ADK: variants seen among roughly 807,000 people sequenced by gnomAD.
ADK encodes N6,N6-dimethyladenosine kinase.
Under a neutral mutation model 44.7 loss-of-function variants are expected in ADK, and 24 were observed. The ratio of observed to expected loss-of-function variants is 0.54; its 90% CI spans 0.39 to 0.76. The LOEUF is 0.76. Among genes scored for constraint, ADK ranks in the 30% least tolerant of loss-of-function variants. ADK has a pLI of 0.00. For missense variants in ADK, 321 were observed against 425.1 expected (o/e 0.76, Z 2.15); for synonymous variants, 128 against 142.6 (o/e 0.90, Z 0.73).
intron 4 of ADK, among the ~76,000 whole-genome samples, chr10:74,325,845 T>G (rs1363055729): frequency 2.0e-5 from 3 of 152,128 alleles, no homozygotes; most frequent in Non-Finnish European, 4.4e-5. Context: ...ATTATCTTGT[T>G]AATGTGCTGG....
chr10:74,156,006 G>A (rs1461180168), intron 1 of ADK, among the ~76,000 whole-genome samples: 1 of 152,112 alleles, frequency 6.6e-6, no homozygotes, highest in African/African-American at 2.4e-5. Context: ...TGAAGGAATG[G>A]AAAACAAAAG....
At chr10:74,214,588 A>G (rs1400801509) in intron 2 of ADK, among the ~76,000 whole-genome samples, 2 of 152,218 alleles carry the variant, frequency 1.3e-5, no homozygotes, top group African/African-American at 4.8e-5. Context: ...TGACTGTCCT[A>G]TTTCAGAACT....
At chr10:74,609,093 AAGCTTGAG>A (rs1852446318) in intron 9 of ADK, among the ~76,000 whole-genome samples, 1 of 152,050 alleles carries the variant, frequency 6.6e-6, no homozygotes, top group African/African-American at 2.4e-5. Flanking sequence ...TTCCCCCACC[AAGCTTGAG>A]CATCCCAGGT....
chr10:74,505,674 G>GT (rs774956597), intron 6 of ADK, among the ~76,000 whole-genome samples: 3 of 151,870 alleles, frequency 2.0e-5, no homozygotes, highest in Admixed American at 1.3e-4. Context: ...GGCTACTTTT[G>GT]TAACAATGGC....
At chr10:74,311,198 G>A (rs1372586589) in intron 3 of ADK, among the ~76,000 whole-genome samples, 1 of 152,078 alleles carries the variant, frequency 6.6e-6, no homozygotes, top group Non-Finnish European at 1.5e-5. Context: ...AGATTACATT[G>A]TGCATCAGTT....
intron 4 of ADK, among the ~76,000 whole-genome samples, chr10:74,348,696 A>G (rs1386836025): frequency 2.0e-5 from 3 of 151,748 alleles, no homozygotes; most frequent in African/African-American, 7.3e-5. Flanking sequence ...AACTAGAATA[A>G]CCAGTTTAGA....
intron 10 of ADK, among the ~76,000 whole-genome samples, chr10:74,695,472 A>ATGTGTGTGTGTGTG (rs66502036): frequency 6.7e-6 from 1 of 148,528 alleles, no homozygotes; most frequent in Non-Finnish European, 1.5e-5. Flanking sequence ...GTATATATAT[A>ATGTGTGTGTGTGTG]TGTGTGTGTG....
At chr10:74,428,178 C>T (rs1844866804) in intron 6 of ADK, among the ~76,000 whole-genome samples, 1 of 152,162 alleles carries the variant, frequency 6.6e-6, no homozygotes, top group South Asian at 2.1e-4. Flanking sequence ...GTGACTTTAT[C>T]TTAACTTCCA....
chr10:74,204,141 G>A (rs760418943), intron 2 of ADK, among the ~76,000 whole-genome samples: 3 of 151,804 alleles, frequency 2.0e-5, no homozygotes, highest in Non-Finnish European at 4.4e-5. Context: ...ATTTTTAGTA[G>A]AGACAGGGTT....
rs149534484 is a variant in ADK at position 74,514,451 on chromosome 10, T to C, written c.556-10805T>C. Among the ~76,000 whole-genome samples, 1,181 of 150,050 alleles carry C rather than the reference T, an allele frequency of 7.9e-3. 16 individuals are homozygous for C. Among genetic ancestry groups the C allele is most frequent in the African/African-American group, 0.028 (1,133 of 41,116 alleles). On this transcript the variant is annotated intron_variant, in intron 6 of 10. Coordinates refer to ENST00000539909, the MANE Select transcript of ADK (RefSeq NM_006721.4). ...AATCCTTTAGGCTTTTTCATTCTCTTTTTTTTTTTAAAGTTAGTCTGCCTG... is the reference window on the plus strand; with the variant it reads ...AATCCTTTAGGCTTTTTCATTCTCTCTTTTTTTTTAAAGTTAGTCTGCCTG...
intron 3 of ADK, among the ~76,000 whole-genome samples, chr10:74,240,594 G>A (rs894768900): frequency 9.2e-5 from 14 of 152,074 alleles, no homozygotes; most frequent in African/African-American, 3.1e-4. Flanking sequence ...ATTTTTTAGA[G>A]GTAGAAACTG....
chr10:74,274,732 G>GTATATGTATATATATATATATATA (rs1846594719), intron 3 of ADK, among the ~76,000 whole-genome samples: 2 of 84,170 alleles, frequency 2.4e-5, no homozygotes, highest in Non-Finnish European at 5.1e-5. Flanking sequence ...TTTAATGTGT[G>GTATATGTATATATATATATATATA]TATATATATA....
intron 3 of ADK, among the ~76,000 whole-genome samples, chr10:74,232,146 G>A (rs1292929019): frequency 6.6e-6 from 1 of 151,970 alleles, no homozygotes; most frequent in African/African-American, 2.4e-5. Context: ...AAAATTCTAG[G>A]ATCTCATAAC....
At chr10:74,553,126 T>C (rs1304111287) in intron 7 of ADK, among the ~76,000 whole-genome samples, 1 of 149,754 alleles carries the variant, frequency 6.7e-6, no homozygotes, top group Non-Finnish European at 1.5e-5. Context: ...AAAAGAGTTG[T>C]GCAAGAAGAT....
intron 2 of ADK, among the ~76,000 whole-genome samples, chr10:74,202,014 A>G (rs1033699979): frequency 6.6e-6 from 1 of 152,124 alleles, no homozygotes; most frequent in Non-Finnish European, 1.5e-5. Context: ...AAGTTGTACA[A>G]CCATCACCAC....
chr10:74,447,876 C>T (rs1207972833), intron 6 of ADK, among the ~76,000 whole-genome samples: 4 of 151,916 alleles, frequency 2.6e-5, no homozygotes, highest in African/African-American at 9.7e-5. Flanking sequence ...AAAGTTGGAG[C>T]TTAAGATTTA....
At chr10:74,426,215 A>C (rs1456496389) in intron 6 of ADK, among the ~76,000 whole-genome samples, 1 of 152,176 alleles carries the variant, frequency 6.6e-6, no homozygotes, top group African/African-American at 2.4e-5. Context: ...AACAGCCCCC[A>C]TTATATATGA....
At chr10:74,263,615 C>T (rs576708760) in intron 3 of ADK, among the ~76,000 whole-genome samples, 1 of 152,084 alleles carries the variant, frequency 6.6e-6, no homozygotes, top group Non-Finnish European at 1.5e-5. Flanking sequence ...CTCTGTATAC[C>T]TGTCTTCAGC....
chr10:74,427,711 TTGTATA>T (rs1404387673), intron 6 of ADK, among the ~76,000 whole-genome samples: 2 of 139,814 alleles, frequency 1.4e-5, no homozygotes, highest in East Asian at 2.1e-4. Flanking sequence ...GCATGTATTT[TTGTATA>T]TGTATATGTA....
Sources: allele counts gnomAD v4.1 joint callset (sites outside exome capture counted in the v4.1 genomes callset), GRCh38; gene constraint gnomAD v4.1.1; transcripts MANE v1.5; gene names NCBI Gene and HGNC (gene_info 2026-07-23, HGNC 2026-07-21).